The following OR6N1 variants were observed in gnomAD, a reference collection of about 807,000 sequenced individuals.
OR6N1 encodes the protein olfactory receptor family 6 subfamily N member 1.
For missense variants in OR6N1, 394 were observed against 371.7 expected (o/e 1.06, Z -0.49); for synonymous variants, 170 against 150.7 (o/e 1.13, Z -0.94).
chr1:158,769,566 G>A (rs554584178), intron 1 of OR6N1, among the ~76,000 whole-genome samples: 1 of 152,290 alleles, frequency 6.6e-6, no homozygotes, highest in Admixed American at 6.5e-5. Flanking sequence ...CTGTGCAAAG[G>A]CAGAGAGTTA....
chr1:158,815,052 TAGA>T, the OR6N1 span, among the ~76,000 whole-genome samples: 2 of 152,184 alleles, frequency 1.3e-5, no homozygotes, highest in East Asian at 3.9e-4. Flanking sequence ...TAAGGAAGAT[TAGA>T]AGAAGGGACC....
chr1:158,765,259 T>C lies in OR6N1; in HGVS notation c.*485A>G, dbSNP rs1657216212. 6.6e-6 allele frequency: 1 copy of C among 152,318 alleles called. No individual in the cohort carries two copies. Among genetic ancestry groups the C allele is most frequent in the African/African-American group, 2.4e-5 (1 of 41,458 alleles). 9.4% of individuals were successfully genotyped at this position (152,318 alleles called of 1,614,324 possible). Reference sequence around the variant, plus strand: ...AATTAGCAAGTGACTGAATAAAACATGATTTAAATCCAGATATATATGAGT... The same window carrying C: ...AATTAGCAAGTGACTGAATAAAACACGATTTAAATCCAGATATATATGAGT... On this transcript the variant is annotated 3_prime_UTR_variant, in exon 2 of 2. Coordinates refer to ENST00000641846, the MANE Select transcript of OR6N1 (RefSeq NM_001005185.2).
At chr1:158,819,264 A>T in the OR6N1 span, among the ~76,000 whole-genome samples, 1 of 152,176 alleles carries the variant, frequency 6.6e-6, no homozygotes, top group African/African-American at 2.4e-5. Context: ...TCTAAAATAC[A>T]GTCCAGCTAG....
At chr1:158,829,923 C>G in the OR6N1 span, among the ~76,000 whole-genome samples, 2 of 152,158 alleles carry the variant, frequency 1.3e-5, no homozygotes, top group African/African-American at 4.8e-5. Flanking sequence ...AGGGCAACTC[C>G]CATTTTTTAA....
the OR6N1 span, among the ~76,000 whole-genome samples, chr1:158,813,390 T>A: frequency 1.9e-3 from 286 of 152,272 alleles, 2 homozygotes; most frequent in African/African-American, 6.6e-3. Flanking sequence ...GGGAGATTTG[T>A]TAAATCTCCC....
At chr1:158,777,488 G>A in the OR6N1 span, 40 of 1,614,002 alleles carry the variant, frequency 2.5e-5, no homozygotes, top group South Asian at 6.6e-5. Flanking sequence ...GCATCCAGTC[G>A]GATGACTGAG....
chr1:158,791,469 A>ATTT, the OR6N1 span, among the ~76,000 whole-genome samples: 445 of 127,342 alleles, frequency 3.5e-3, 5 homozygotes, highest in African/African-American at 0.012. Context: ...TATGATTTTG[A>ATTT]TTTTTTTTTT....
At chr1:158,825,236 G>T in the OR6N1 span, among the ~76,000 whole-genome samples, 1 of 152,034 alleles carries the variant, frequency 6.6e-6, no homozygotes, top group Admixed American at 6.6e-5. Context: ...CCAGGAGATC[G>T]AGACCATCCT....
At chr1:158,816,948 CCA>C in the OR6N1 span, among the ~76,000 whole-genome samples, 1 of 152,228 alleles carries the variant, frequency 6.6e-6, no homozygotes, top group Non-Finnish European at 1.5e-5. Context: ...GAAAGTCTCA[CCA>C]CAGTCACTCA....
chr1:158,769,347 A>G (rs1657355268), intron 1 of OR6N1, among the ~76,000 whole-genome samples: 1 of 151,982 alleles, frequency 6.6e-6, no homozygotes, highest in Admixed American at 6.6e-5. Flanking sequence ...TGTTTTTGGT[A>G]GAGATGGGGT....
At chr1:158,836,340 A>G in the OR6N1 span, among the ~76,000 whole-genome samples, 1 of 152,026 alleles carries the variant, frequency 6.6e-6, no homozygotes, top group Non-Finnish European at 1.5e-5. Context: ...ATTTACCAGT[A>G]AAACCACTTA....
chr1:158,799,071 C>A, the OR6N1 span, among the ~76,000 whole-genome samples: 4 of 152,140 alleles, frequency 2.6e-5, no homozygotes, highest in Non-Finnish European at 5.9e-5. Context: ...AATTACTAGA[C>A]CCCACTTTCA....
chr1:158,831,168 A>G, the OR6N1 span: 1 of 152,216 alleles, frequency 6.6e-6, no homozygotes, highest in Non-Finnish European at 1.5e-5. Flanking sequence ...AGTATTTGTA[A>G]GTCAAAAAAG....
At chr1:158,802,036 T>A in the OR6N1 span, among the ~76,000 whole-genome samples, 8 of 152,030 alleles carry the variant, frequency 5.3e-5, no homozygotes, top group East Asian at 1.5e-3. Context: ...TGTGTAAAGT[T>A]TTTTGTAAGT....
At chr1:158,780,833 T>C in the OR6N1 span, among the ~76,000 whole-genome samples, 59 of 152,354 alleles carry the variant, frequency 3.9e-4, no homozygotes, top group African/African-American at 1.3e-3. Context: ...TTCTACCATC[T>C]GTGTCAGCAC....
chr1:158,786,519 CATT>C, the OR6N1 span, among the ~76,000 whole-genome samples: 1 of 152,058 alleles, frequency 6.6e-6, no homozygotes, highest in South Asian at 2.1e-4. Flanking sequence ...AAAAAGCAGT[CATT>C]ATTTGAAAAA....
At chr1:158,776,068 A>T (rs575798030), upstream of OR6N1, 1 of 152,322 alleles carries the variant, frequency 6.6e-6, no homozygotes, top group South Asian at 2.1e-4. Flanking sequence ...ATCTAGGGAG[A>T]TAGCACGGCA....
chr1:158,802,109 C>A, the OR6N1 span, among the ~76,000 whole-genome samples: 18 of 151,570 alleles, frequency 1.2e-4, 1 homozygote, highest in East Asian at 3.3e-3. Context: ...TTTCAAATGG[C>A]TTTTCTGCAA....
upstream of OR6N1, chr1:158,774,576 T>C (rs1247879331): frequency 6.6e-6 from 1 of 152,178 alleles, no homozygotes; most frequent in Non-Finnish European, 1.5e-5. Flanking sequence ...AACATACATT[T>C]ATCGTGTGAC....
Sources: gnomAD v4.1 joint callset for allele counts (sites outside exome capture counted in the v4.1 genomes callset) on GRCh38, gnomAD v4.1.1 for gene constraint, MANE v1.5 for transcripts, NCBI Gene and HGNC (gene_info 2026-07-23, HGNC 2026-07-21) for gene names.